The following LRRTM4 variants were observed in gnomAD, a reference collection of about 807,000 sequenced individuals.
LRRTM4 encodes the protein leucine rich repeat transmembrane neuronal 4.
A neutral mutation model predicts 47.6 loss-of-function variants in LRRTM4; 25 were observed. That is an observed-to-expected ratio of 0.53 (90% CI 0.38 to 0.73). The LOEUF (loss-of-function observed/expected upper bound fraction) is 0.73, where lower values mean the gene tolerates loss of function less well. Ranked by LOEUF, LRRTM4 falls within the 30% of genes least tolerant of loss-of-function variation. The pLI, the probability that LRRTM4 is intolerant of heterozygous loss-of-function variation, is 0.00. For missense variants in LRRTM4, 638 were observed against 713.4 expected, an observed-to-expected ratio of 0.89 and a Z score of 1.20; for synonymous variants, 311 against 269.5, an observed-to-expected ratio of 1.15 and a Z score of -1.51.
At chr2:77,486,910 C>G (rs11126610) in intron 3 of LRRTM4, among the ~76,000 whole-genome samples, 34,514 of 152,122 alleles carry the variant, frequency 0.23, 4,123 homozygotes, top group Middle Eastern at 0.31. Context: ...GAAAGATGAC[C>G]ATCAGAGATA....
intron 3 of LRRTM4, among the ~76,000 whole-genome samples, chr2:77,453,524 T>C (rs1163335617): frequency 1.3e-5 from 2 of 152,172 alleles, no homozygotes; most frequent in African/African-American, 2.4e-5. Context: ...TTCCAAGTCA[T>C]TGGATAGAAA....
intron 3 of LRRTM4, among the ~76,000 whole-genome samples, chr2:77,145,965 T>A (rs963373101): frequency 6.6e-6 from 1 of 152,168 alleles, no homozygotes. Flanking sequence ...CTGTAACAGC[T>A]CATTCAGTAT....
intron 3 of LRRTM4, among the ~76,000 whole-genome samples, chr2:77,268,064 C>T (rs1395801370): frequency 6.6e-6 from 1 of 152,108 alleles, no homozygotes; most frequent in Non-Finnish European, 1.5e-5. Context: ...GCTTCCCAAT[C>T]TATACTTTAC....
At chr2:77,393,106 TTC>T (rs1673568109) in intron 3 of LRRTM4, among the ~76,000 whole-genome samples, 3 of 152,044 alleles carry the variant, frequency 2.0e-5, no homozygotes, top group Admixed American at 2.0e-4. Context: ...CTTTTCGTAA[TTC>T]TCTTTTTTCA....
intron 3 of LRRTM4, among the ~76,000 whole-genome samples, chr2:76,806,686 G>A (rs1479210718): frequency 4.6e-5 from 7 of 152,020 alleles, no homozygotes; most frequent in Non-Finnish European, 8.8e-5. Context: ...ACTGAAAAGA[G>A]AAGTTAAAAA....
chr2:77,218,545 G>T (rs746822207), intron 3 of LRRTM4, among the ~76,000 whole-genome samples: 5 of 144,436 alleles, frequency 3.5e-5, no homozygotes, highest in Non-Finnish European at 6.1e-5. Flanking sequence ...TTTATTTATT[G>T]TTCCTGGGAT....
At chr2:77,224,565 A>G (rs921063138) in intron 3 of LRRTM4, among the ~76,000 whole-genome samples, 2 of 152,340 alleles carry the variant, frequency 1.3e-5, no homozygotes, top group Admixed American at 6.5e-5. Context: ...AAGAACAGAC[A>G]TTTCTCAAAA....
chr2:77,230,687 T>G (rs1674937419), intron 3 of LRRTM4, among the ~76,000 whole-genome samples: 1 of 152,142 alleles, frequency 6.6e-6, no homozygotes, highest in African/African-American at 2.4e-5. Context: ...AAAAATTGAA[T>G]AAAGCACATA....
At chr2:76,882,696 A>G (rs1672966231) in intron 3 of LRRTM4, among the ~76,000 whole-genome samples, 1 of 152,134 alleles carries the variant, frequency 6.6e-6, no homozygotes. Context: ...TGGTCTCCTG[A>G]ACAGGACAGT....
chr2:76,766,278 C>A (rs1299670088), intron 3 of LRRTM4, among the ~76,000 whole-genome samples: 8 of 152,124 alleles, frequency 5.3e-5, no homozygotes, highest in Admixed American at 1.3e-4. Context: ...ATTTAACATA[C>A]AATTGAAATC....
chr2:77,114,076 G>A (rs1671324372), intron 3 of LRRTM4, among the ~76,000 whole-genome samples: 2 of 152,078 alleles, frequency 1.3e-5, no homozygotes, highest in South Asian at 2.1e-4. Flanking sequence ...GATAACGAAG[G>A]CCCCGTGGGA....
At chr2:77,076,683 G>T (rs77899470) in intron 3 of LRRTM4, among the ~76,000 whole-genome samples, 3 of 152,134 alleles carry the variant, frequency 2.0e-5, no homozygotes, top group Non-Finnish European at 4.4e-5. Context: ...TAATAGAAAT[G>T]ATAGAATAAA....
chr2:77,503,736 A>G (rs1469872892), intron 3 of LRRTM4, among the ~76,000 whole-genome samples: 1 of 151,666 alleles, frequency 6.6e-6, no homozygotes, highest in African/African-American at 2.4e-5. Context: ...TTACAAAGAT[A>G]TGGAAAAGGT....
intron 3 of LRRTM4, among the ~76,000 whole-genome samples, chr2:77,226,574 TC>T (rs1674817773): frequency 4.7e-5 from 7 of 149,338 alleles, no homozygotes; most frequent in African/African-American, 1.7e-4. Context: ...TATACTAGTG[TC>T]TAAAACAATT....
chr2:77,517,447 TC>T, intron 3 of LRRTM4: 3 of 985,138 alleles, frequency 3.0e-6, no homozygotes, highest in Non-Finnish European at 3.6e-6. Flanking sequence ...TGACAAACAG[TC>T]CCTGTTATGA....
chr2:76,956,328 C>T (rs189695336), intron 3 of LRRTM4, among the ~76,000 whole-genome samples: 1 of 151,600 alleles, frequency 6.6e-6, no homozygotes, highest in African/African-American at 2.4e-5. Context: ...GAAAATTAAA[C>T]ACATTTGGAT....
intron 3 of LRRTM4, among the ~76,000 whole-genome samples, chr2:76,880,031 A>C (rs1018291763): frequency 2.0e-5 from 3 of 152,232 alleles, no homozygotes; most frequent in Non-Finnish European, 2.9e-5. Flanking sequence ...TGGAGCTAAG[A>C]AAGTAGAATC....
chr2:76,885,962 T>G (rs1046223072), intron 3 of LRRTM4, among the ~76,000 whole-genome samples: 1 of 152,050 alleles, frequency 6.6e-6, no homozygotes, highest in Non-Finnish European at 1.5e-5. Flanking sequence ...CTGACAAAAA[T>G]AGCATACCTC....
At chr2:76,922,050 G>C (rs547486040) in intron 3 of LRRTM4, among the ~76,000 whole-genome samples, 4 of 151,968 alleles carry the variant, frequency 2.6e-5, no homozygotes, top group Non-Finnish European at 5.9e-5. Flanking sequence ...ATACATAAAC[G>C]CAATATCATT....
Sources: allele counts gnomAD v4.1 joint callset (sites outside exome capture counted in the v4.1 genomes callset), GRCh38; gene constraint gnomAD v4.1.1; transcripts MANE v1.5; gene names NCBI Gene and HGNC (gene_info 2026-07-23, HGNC 2026-07-21).